The following SLC10A7 variants were observed in gnomAD, a reference collection of about 807,000 sequenced individuals.
The protein encoded by SLC10A7 is sodium/bile acid cotransporter 7.
Under a neutral mutation model 43.2 loss-of-function variants are expected in SLC10A7, and 29 were observed. That is an observed-to-expected ratio of 0.67 (90% CI 0.50 to 0.92). SLC10A7 has a LOEUF of 0.92. SLC10A7 is among the 40% of genes least tolerant of loss of function. SLC10A7 has a pLI of 0.00. For synonymous variants in SLC10A7, 152 were observed against 144.8 expected (o/e 1.05, Z -0.35); for missense variants, 295 against 403.2 (o/e 0.73, Z 2.30).
At chr4:146,447,441 A>T (rs1259128257) in intron 4 of SLC10A7, among the ~76,000 whole-genome samples, 1 of 152,112 alleles carries the variant, frequency 6.6e-6, no homozygotes, top group African/African-American at 2.4e-5. Flanking sequence ...TTTTGTTATT[A>T]TCTCCTTTGT....
intron 4 of SLC10A7, among the ~76,000 whole-genome samples, chr4:146,460,202 G>A (rs1407915815): frequency 6.6e-6 from 1 of 151,988 alleles, no homozygotes; most frequent in African/African-American, 2.4e-5. Flanking sequence ...CAGTGTTGGT[G>A]AGGATGTGGA....
intron 5 of SLC10A7, among the ~76,000 whole-genome samples, chr4:146,369,974 AT>A (rs1472385121): frequency 6.6e-6 from 1 of 152,202 alleles, no homozygotes; most frequent in Non-Finnish European, 1.5e-5. Context: ...AACACTAAAA[AT>A]AATTTGCAAA....
chr4:146,306,272 A>T (rs1560782782), intron 6 of SLC10A7, among the ~76,000 whole-genome samples: 1 of 152,170 alleles, frequency 6.6e-6, no homozygotes. Flanking sequence ...ATTTTAGTAA[A>T]GTCATTCTGT....
intron 5 of SLC10A7, among the ~76,000 whole-genome samples, chr4:146,436,879 C>A (rs369840406): frequency 1.3e-5 from 2 of 151,860 alleles, no homozygotes; most frequent in African/African-American, 4.8e-5. Context: ...CAAGATAGTT[C>A]TTTATTTATA....
intron 5 of SLC10A7, among the ~76,000 whole-genome samples, chr4:146,332,640 T>C (rs1733614765): frequency 6.6e-6 from 1 of 152,172 alleles, no homozygotes. Flanking sequence ...GAGGCCATTA[T>C]GCTTCCTGTA....
At chr4:146,358,862 T>G (rs1243065915) in intron 5 of SLC10A7, among the ~76,000 whole-genome samples, 2 of 152,196 alleles carry the variant, frequency 1.3e-5, no homozygotes, top group African/African-American at 4.8e-5. Flanking sequence ...GATGAACATT[T>G]GCATTCATTC....
At chr4:146,312,980 G>A (rs538940221) in intron 6 of SLC10A7, among the ~76,000 whole-genome samples, 1 of 152,108 alleles carries the variant, frequency 6.6e-6, no homozygotes, top group South Asian at 2.1e-4. Context: ...ACCAAACTTT[G>A]CTCCCTAATT....
chr4:146,350,125 T>C (rs1734939011), intron 5 of SLC10A7, among the ~76,000 whole-genome samples: 1 of 148,988 alleles, frequency 6.7e-6, no homozygotes, highest in Non-Finnish European at 1.5e-5. Flanking sequence ...AGGTACCGGG[T>C]TCATCTCACT....
At position 146,363,382 on chromosome 4, in the gene SLC10A7, AAGAG is replaced by A. The variant is rs1253419070; in HGVS notation, c.436-37390_436-37387del. Among the ~76,000 whole-genome samples the A allele has an allele frequency of 3.3e-5, 5 of 151,994 alleles. 1 individual carries two copies. On this transcript the variant is annotated intron_variant, in intron 5 of 11. Transcript: ENST00000335472. ...TATTAAGCAAATATTATTAGAGCTA[AAGAG>A]AGAGAGAGACCCAATACAATAATAG...
intron 4 of SLC10A7, among the ~76,000 whole-genome samples, chr4:146,476,885 A>G (rs1179411683): frequency 6.6e-6 from 1 of 152,158 alleles, no homozygotes; most frequent in Non-Finnish European, 1.5e-5. Flanking sequence ...GCAGAAACAC[A>G]GGTGTAAAGA....
chr4:146,348,562 T>C (rs1734791231), intron 5 of SLC10A7, among the ~76,000 whole-genome samples: 1 of 152,208 alleles, frequency 6.6e-6, no homozygotes. Context: ...CTTTATTACC[T>C]TTCCTGTAGG....
At chr4:146,376,706 A>G (rs1357746443) in intron 5 of SLC10A7, among the ~76,000 whole-genome samples, 2 of 152,120 alleles carry the variant, frequency 1.3e-5, no homozygotes, top group Non-Finnish European at 2.9e-5. Context: ...CATAAATTCA[A>G]TTTCTTCAGC....
rs576818067 is a variant in SLC10A7 at position 146,463,827 on chromosome 4, CT to C, written c.397-21007del. ...CATACCATTATTTCCTTTTTTTTTT[CT>C]TTTTTTTTTTTTTGAGACAAAGTCT... On this transcript the variant is annotated intron_variant, in intron 4 of 11. Coordinates refer to ENST00000335472, the MANE Select transcript of SLC10A7 (RefSeq NM_001029998.6). 9.3e-3 allele frequency among the ~76,000 whole-genome samples: 1,262 copies of C among 136,210 alleles called. 11 individuals carry two copies. Among genetic ancestry groups the C allele is most frequent in the African/African-American group, 0.026 (952 of 37,238 alleles). The allele number at this position is 136,210 out of a possible 152,430, so 89.4% of individuals were successfully genotyped here.
intron 5 of SLC10A7, among the ~76,000 whole-genome samples, chr4:146,380,157 C>T (rs967377340): frequency 6.6e-6 from 1 of 151,902 alleles, no homozygotes. Flanking sequence ...TGTTTAAAAC[C>T]AGGTATATGT....
intron 5 of SLC10A7, among the ~76,000 whole-genome samples, chr4:146,329,039 G>A (rs1051371125): frequency 1.3e-5 from 2 of 152,170 alleles, no homozygotes; most frequent in Non-Finnish European, 2.9e-5. Flanking sequence ...ATAGAAAAGT[G>A]TTGTTATCCA....
At chr4:146,268,411 G>A (rs116713877) in intron 10 of SLC10A7, among the ~76,000 whole-genome samples, 5 of 152,060 alleles carry the variant, frequency 3.3e-5, no homozygotes, top group Admixed American at 3.3e-4. Context: ...AGAAAGGAAC[G>A]ATCTTTCCAG....
intron 4 of SLC10A7, among the ~76,000 whole-genome samples, chr4:146,443,795 T>C (rs912304698): frequency 4.6e-5 from 7 of 152,182 alleles, no homozygotes; most frequent in Non-Finnish European, 7.3e-5. Flanking sequence ...TGAGAGTGAA[T>C]GGGTAATGAG....
chr4:146,315,679 T>C (rs1732278827), intron 6 of SLC10A7, among the ~76,000 whole-genome samples: 1 of 152,162 alleles, frequency 6.6e-6, no homozygotes, highest in African/African-American at 2.4e-5. Flanking sequence ...TATTTGTGCA[T>C]GTATCCTCTT....
chr4:146,304,947 A>G (rs1035182963), intron 7 of SLC10A7, among the ~76,000 whole-genome samples: 2 of 151,964 alleles, frequency 1.3e-5, no homozygotes, highest in Non-Finnish European at 2.9e-5. Flanking sequence ...TGTTGGGTGC[A>G]TATATATTTA....
Sources: gnomAD v4.1 joint callset for allele counts (sites outside exome capture counted in the v4.1 genomes callset) on GRCh38, gnomAD v4.1.1 for gene constraint, MANE v1.5 for transcripts, NCBI Gene and HGNC (gene_info 2026-07-23, HGNC 2026-07-21) for gene names.